Variants in NUMB observed in about 807,000 individuals in gnomAD.
NUMB encodes protein numb homolog.
In NUMB, 29 loss-of-function variants were observed where a neutral mutation model predicts 59.7. The ratio of observed to expected loss-of-function variants is 0.49; its 90% confidence interval spans 0.36 to 0.66. NUMB has a LOEUF of 0.66. Among genes scored for constraint, NUMB ranks in the 30% least tolerant of loss-of-function variants. The pLI is 0.00. For synonymous variants in NUMB, 288 were observed against 288.2 expected (o/e 1.00, Z 0.01); for missense variants, 723 against 822.0 (o/e 0.88, Z 1.47).
chr14:73,372,069 C>T (rs886794081), intron 2 of NUMB, among the ~76,000 whole-genome samples: 1 of 151,438 alleles, frequency 6.6e-6, no homozygotes, highest in Non-Finnish European at 1.5e-5. Context: ...CATGTTTCCA[C>T]TAAAAATACA....
intron 7 of NUMB, among the ~76,000 whole-genome samples, chr14:73,293,650 C>G (rs2139834995): frequency 6.6e-6 from 1 of 152,288 alleles, no homozygotes; most frequent in East Asian, 1.9e-4. Flanking sequence ...CTTGGCCTCC[C>G]AAAGTGCTGG....
At chr14:73,450,798 A>G (rs1266232438) in intron 1 of NUMB, among the ~76,000 whole-genome samples, 2 of 151,784 alleles carry the variant, frequency 1.3e-5, no homozygotes, top group African/African-American at 4.8e-5. Flanking sequence ...TAAAAAAAAA[A>G]ACAAAACAGA....
At chr14:73,356,390 C>T (rs1186066791) in intron 3 of NUMB, among the ~76,000 whole-genome samples, 1 of 152,156 alleles carries the variant, frequency 6.6e-6, no homozygotes, top group Admixed American at 6.6e-5. Flanking sequence ...TGCCTGTAAT[C>T]CCAACACTTT....
chr14:73,451,676 A>G (rs1286064581), intron 1 of NUMB, among the ~76,000 whole-genome samples: 1 of 152,220 alleles, frequency 6.6e-6, no homozygotes, highest in East Asian at 1.9e-4. Flanking sequence ...AGATGTACAT[A>G]TGCACAAGTG....
At chr14:73,342,897 T>G (rs1892711542) in intron 4 of NUMB, among the ~76,000 whole-genome samples, 1 of 152,122 alleles carries the variant, frequency 6.6e-6, no homozygotes. Context: ...CAGTCAGGAG[T>G]GCAGTGATGC....
chr14:73,284,562 A>G, intron 9 of NUMB, 188 bp from the exon 10 acceptor site: 1 of 548,974 alleles, frequency 1.8e-6, no homozygotes, highest in Non-Finnish European at 3.2e-6. Flanking sequence ...AATGTACTAT[A>G]TGTCACAAAG....
chr14:73,316,564 C>T (rs1388097506), intron 5 of NUMB, 142 bp from the exon 6 acceptor site: 1 of 702,838 alleles, frequency 1.4e-6, no homozygotes, highest in African/African-American at 1.8e-5. Context: ...GAGTTATCCA[C>T]ACCAGGAGTG....
intron 12 of NUMB, among the ~76,000 whole-genome samples, chr14:73,278,045 CAAAAA>C (rs57146032): frequency 1.3e-4 from 9 of 69,236 alleles, no homozygotes; most frequent in South Asian, 7.6e-4. Flanking sequence ...GACTCCGTCT[CAAAAA>C]AAAAAAAAAA....
chr14:73,425,597 A>T (rs1458194207), intron 1 of NUMB, among the ~76,000 whole-genome samples: 2 of 152,164 alleles, frequency 1.3e-5, no homozygotes, highest in African/African-American at 4.8e-5. Flanking sequence ...TTGACTGACA[A>T]GTATTTAGGG....
chr14:73,439,441 C>T (rs4899462), intron 1 of NUMB, among the ~76,000 whole-genome samples: 121,895 of 152,188 alleles, frequency 0.8, 49,386 homozygotes, highest in African/African-American at 0.92. Context: ...GCTAAGCAAA[C>T]CTTACAAATT....
At chr14:73,357,065 TA>T (rs994089528) in intron 3 of NUMB, 171 of 928,164 alleles carry the variant, frequency 1.8e-4, no homozygotes, top group South Asian at 6.9e-4. Flanking sequence ...TATAGTAACA[TA>T]AAAAAAATGA....
chr14:73,412,250 G>A (rs1166989170), intron 1 of NUMB, among the ~76,000 whole-genome samples: 1 of 151,968 alleles, frequency 6.6e-6, no homozygotes, highest in African/African-American at 2.4e-5. Context: ...CTGATTATTT[G>A]CCAAAAGCTC....
intron 4 of NUMB, among the ~76,000 whole-genome samples, chr14:73,345,371 A>G (rs1375951272): frequency 6.6e-6 from 1 of 152,140 alleles, no homozygotes; most frequent in East Asian, 1.9e-4. Flanking sequence ...TGGTCGAAAA[A>G]CTACCTATCA....
At chr14:73,313,780 A>G (rs1890918504) in intron 6 of NUMB, among the ~76,000 whole-genome samples, 2 of 150,536 alleles carry the variant, frequency 1.3e-5, no homozygotes, top group Non-Finnish European at 3.0e-5. Context: ...ATAAAATGTT[A>G]GTTTGAACCA....
At chr14:73,358,431 G>C (rs1288830832) in intron 3 of NUMB, among the ~76,000 whole-genome samples, 4 of 151,978 alleles carry the variant, frequency 2.6e-5, no homozygotes, top group Non-Finnish European at 4.4e-5. Flanking sequence ...CTAACCTCCA[G>C]CTACCCTAAA....
chr14:73,296,718 T>C (rs1889797160), intron 7 of NUMB, among the ~76,000 whole-genome samples: 1 of 152,138 alleles, frequency 6.6e-6, no homozygotes, highest in Non-Finnish European at 1.5e-5. Flanking sequence ...AGCAGTCCCA[T>C]TTAAGCTTAT....
chr14:73,400,794 T>C (rs1896373222), intron 2 of NUMB, among the ~76,000 whole-genome samples: 2 of 152,206 alleles, frequency 1.3e-5, no homozygotes. Flanking sequence ...AGATGAACAC[T>C]TGGAGGTTCC....
chr14:73,412,318 A>G (rs934318827), intron 1 of NUMB, among the ~76,000 whole-genome samples: 6 of 151,988 alleles, frequency 3.9e-5, no homozygotes, highest in African/African-American at 1.4e-4. Flanking sequence ...CATGAAATTG[A>G]CTATTTTTTA....
intron 2 of NUMB, among the ~76,000 whole-genome samples, chr14:73,403,906 A>T (rs902600484): frequency 6.6e-6 from 1 of 151,938 alleles, no homozygotes; most frequent in African/African-American, 2.4e-5. Flanking sequence ...CAGCCTGGCC[A>T]ATATGCTGAA....
Sources: allele counts gnomAD v4.1 joint callset (sites outside exome capture counted in the v4.1 genomes callset), GRCh38; gene constraint gnomAD v4.1.1; transcripts MANE v1.5; gene names NCBI Gene and HGNC (gene_info 2026-07-23, HGNC 2026-07-21).